The following VPS16 variants were observed in gnomAD, a reference collection of about 807,000 sequenced individuals.
VPS16 encodes VPS16 core subunit of CORVET and HOPS complexes.
VPS16 carries 82 observed loss-of-function variants against 116.0 expected under a neutral mutation model. That is an observed-to-expected ratio of 0.71 (90% confidence interval 0.59 to 0.85). The LOEUF (loss-of-function observed/expected upper bound fraction) is 0.85, where lower values mean the gene tolerates loss of function less well. Among genes scored for constraint, VPS16 ranks in the 40% least tolerant of loss-of-function variants. VPS16 has a pLI of 0.00. For synonymous variants in VPS16, 406 were observed against 420.7 expected (o/e 0.96, Z 0.43); for missense variants, 928 against 1,090.6 (o/e 0.85, Z 2.10).
chr20:2,865,144 C>T lies in VPS16; in HGVS notation c.2005-4C>T. ...CCATCATGCCTCATTATCCGGGTCC[C>T]CAGGCTACAGAGGATCAAATGCGGC... On this transcript the variant is annotated splice_polypyrimidine_tract_variant and splice_region_variant and intron_variant, in intron 20 of 23. Coordinates refer to ENST00000380445, the MANE Select transcript of VPS16 (RefSeq NM_022575.4). The surrounding 1 kb of genome is among the most constrained non-coding windows in gnomAD (Gnocchi z 5.2). The T allele has an allele frequency of 6.2e-7, 1 of 1,614,136 alleles. No homozygotes were observed. The highest frequency in any genetic ancestry group is 8.5e-7 in the Non-Finnish European group (1 of 1,180,002).
chr20:2,861,239 G>A lies in VPS16; in HGVS notation c.768G>A (p.Glu256=), dbSNP rs373884555. 6.8e-6 allele frequency: 11 copies of A among 1,614,102 alleles called. No individual in the cohort carries two copies. In the African/African-American group the frequency reaches 1.5e-4, roughly 22 times the overall value. ...CACCATTTCAGGAGAAGCTATGTGAGTTCAACTGCAACATCCGGGCACCTC... is the reference window on the plus strand; with the variant it reads ...CACCATTTCAGGAGAAGCTATGTGAATTCAACTGCAACATCCGGGCACCTC... The part of the protein sequence containing the change: ...GTASLKEKLC[E]FNCNIRAPPK... Residue 256 remains glutamate, a synonymous_variant, in exon 8 of 24, where the codon GAG becomes GAA. Coordinates refer to ENST00000380445, the MANE Select transcript of VPS16 (RefSeq NM_022575.4).
In VPS16 at chr20:2,860,160, T is replaced by C; in HGVS notation, c.240+9T>C. The C allele has an allele frequency of 1.2e-6, 2 of 1,614,064 alleles. No homozygotes were observed. Among genetic ancestry groups the C allele is most frequent in the Non-Finnish European group, 1.7e-6 (2 of 1,180,016 alleles). On this transcript the variant is annotated intron_variant, in intron 3 of 23. Transcript: ENST00000380445. The surrounding 1 kb of genome is among the most constrained non-coding windows in gnomAD (Gnocchi z 6.1). ...CTCTGGCCAGCCTGCTGGTGAGCACTTCTGATGGTCCCTGGGGCTCAGGGC... is the reference window on the plus strand; with the variant it reads ...CTCTGGCCAGCCTGCTGGTGAGCACCTCTGATGGTCCCTGGGGCTCAGGGC...
chr20:2,855,209 C>A (rs1265762913), intron 1 of VPS16, among the ~76,000 whole-genome samples: 1 of 151,840 alleles, frequency 6.6e-6, no homozygotes, highest in Non-Finnish European at 1.5e-5. Flanking sequence ...CTGCCTGCCT[C>A]GGCCTTCCAA....
chr20:2,866,310 T>C lies in VPS16; in HGVS notation c.2370T>C (p.Leu790=). ...GPEQKVKALL[L]VGDVAQAADV... ...AGCAGAAGGTCAAGGCTTTGCTTCT[T>C]GTTGGGTGCGTCAACTGAGGGCCTG... The change falls in exon 23 of 24, where the codon CTT becomes CTC. Residue 790 remains leucine (L), a synonymous_variant. Transcript: ENST00000380445. 1 of 1,614,152 alleles carries C rather than the reference T, an allele frequency of 6.2e-7. No individual in the cohort carries two copies. Among genetic ancestry groups the C allele is most frequent in the Non-Finnish European group, 8.5e-7 (1 of 1,180,020 alleles).
intron 11 of VPS16, 150 bp downstream of exon 11, chr20:2,862,280 A>G (rs1231461558): frequency 3.8e-6 from 4 of 1,057,818 alleles, no homozygotes; most frequent in Non-Finnish European, 5.4e-6. Flanking sequence ...TGTAAACTGA[A>G]GAGACACTAT....
chr20:2,848,234 A>G (rs2089081400), intron 1 of VPS16, among the ~76,000 whole-genome samples: 1 of 151,890 alleles, frequency 6.6e-6, no homozygotes, highest in Admixed American at 6.6e-5. Flanking sequence ...ACTTCTATTT[A>G]TTTTTTATTT....
intron 1 of VPS16, among the ~76,000 whole-genome samples, chr20:2,849,967 T>A (rs1452086922): frequency 6.6e-6 from 1 of 152,178 alleles, no homozygotes; most frequent in Non-Finnish European, 1.5e-5. Context: ...GACTATTCCT[T>A]CTATACCAAG....
intron 1 of VPS16, among the ~76,000 whole-genome samples, chr20:2,842,617 T>C (rs1321122621): frequency 1.4e-5 from 2 of 139,714 alleles, no homozygotes; most frequent in Non-Finnish European, 3.1e-5. Context: ...TATATAGATA[T>C]ATCTATCTAT....
At chr20:2,866,354 G>A in intron 23 of VPS16, 39 bp downstream of exon 23, 1 of 1,614,122 alleles carries the variant, frequency 6.2e-7, no homozygotes, top group Non-Finnish European at 8.5e-7. Flanking sequence ...GGGTGGCTGA[G>A]CTGTGGGCTG....
chr20:2,861,514 C>T (rs1354864929), intron 8 of VPS16, 101 bp from the exon 9 acceptor site: 1 of 1,420,798 alleles, frequency 7.0e-7, no homozygotes, highest in East Asian at 2.5e-5. Context: ...GTCAGTGATG[C>T]AAGTGTATAC....
In VPS16 at chr20:2,864,149, T is replaced by C. The variant is rs952543887; in HGVS notation, c.1612-30T>C. The C allele has an allele frequency of 2.5e-6, 4 of 1,614,036 alleles. No homozygotes were observed. Among genetic ancestry groups the C allele is most frequent in the Non-Finnish European group, 3.4e-6 (4 of 1,179,890 alleles). Reference sequence around the variant, plus strand: ...GTTCAGGGCCCCCATGCCAGCTCCTTCTCTCTGTGCCTTCCTTCTCACCTC... The same window carrying C: ...GTTCAGGGCCCCCATGCCAGCTCCTCCTCTCTGTGCCTTCCTTCTCACCTC... On this transcript the variant is annotated intron_variant, in intron 16 of 23. Coordinates refer to ENST00000380445, the MANE Select transcript of VPS16 (RefSeq NM_022575.4). The surrounding 1 kb of genome is among the most constrained non-coding windows in gnomAD (Gnocchi z 5.2).
chr20:2,866,032 G>T (rs2089336017), intron 22 of VPS16, 180 bp from the exon 23 acceptor site: 2 of 623,840 alleles, frequency 3.2e-6, no homozygotes, highest in Non-Finnish European at 2.8e-6. Flanking sequence ...GGTGATTTCT[G>T]CCCTAAGAAT....
Position 2,861,815 on chromosome 20 carries a change from G to T in VPS16, c.910G>T (p.Asp304Tyr). Residue 304 changes from aspartate (D) to tyrosine (Y), a missense_variant, in exon 10 of 24, where the codon GAT becomes TAT. Physicochemically the swap from Asp to Tyr is radical, Grantham distance 160 (BLOSUM62 -3). Coordinates refer to ENST00000380445, the MANE Select transcript of VPS16 (RefSeq NM_022575.4). ...DAPESIQFVLDEDSYLVPELD... is the reference protein window; with the variant it reads ...DAPESIQFVLYEDSYLVPELD... ...CTTAACCAAGCTCAGGTTTGTGCTG[G>T]ATGAGGACTCCTACCTGGTGCCTGA... The T allele has an allele frequency of 2.5e-6, 4 of 1,613,950 alleles. No homozygotes were observed. Among genetic ancestry groups the T allele is most frequent in the Non-Finnish European group, 3.4e-6 (4 of 1,179,960 alleles).
rs759624275 is a variant in VPS16, at chr20:2,862,004, G to A, written c.995-50G>A. 2.5e-6 allele frequency: 4 copies of A among 1,609,468 alleles called. No individual in the cohort carries two copies. The Admixed American group carries it at 6.7e-5, about 27-fold the overall frequency. On this transcript the variant is annotated intron_variant, in intron 10 of 23. Coordinates refer to ENST00000380445, the MANE Select transcript of VPS16 (RefSeq NM_022575.4). ...AGCAGGAATAGGGTGTTGAGGCAGG[G>A]CTGAGGGTTTCCCTGCCTTTCTCCC...
intron 1 of VPS16, among the ~76,000 whole-genome samples, chr20:2,858,413 A>AT (rs2089196064): frequency 6.6e-6 from 1 of 151,902 alleles, no homozygotes. Context: ...CTTACTTTGG[A>AT]TTTTCTAAGT....
intron 1 of VPS16, among the ~76,000 whole-genome samples, chr20:2,853,382 C>A (rs1331168546): frequency 6.9e-6 from 1 of 144,592 alleles, no homozygotes; most frequent in Non-Finnish European, 1.5e-5. Context: ...GAGCAAGACT[C>A]TGTCTCAAAA....
chr20:2,853,338 G>A (rs534738471), intron 1 of VPS16, among the ~76,000 whole-genome samples: 4 of 152,124 alleles, frequency 2.6e-5, no homozygotes, highest in South Asian at 2.1e-4. Flanking sequence ...GCAGTGAGCC[G>A]AGATCGTGCC....
At position 2,863,631 on chromosome 20, in the gene VPS16, G is replaced by C. The variant is rs1456273075; in HGVS notation, c.1476+233G>C. 6.6e-6 allele frequency among the ~76,000 whole-genome samples: 1 copy of C among 151,904 alleles called. No homozygotes were observed. Among genetic ancestry groups the C allele is most frequent in the African/African-American group, 2.4e-5 (1 of 41,302 alleles). The stretch of plus-strand genomic sequence containing the variant: ...TACAAAATTAGCCGGGCACGGTGGC[G>C]CATGCCTGTAATCCCAGCTACCCGG... On this transcript the variant is annotated intron_variant, in intron 15 of 23. Transcript: ENST00000380445. The surrounding 1 kb of genome is among the most constrained non-coding windows in gnomAD (Gnocchi z 4.4).
At chr20:2,850,539 T>A (rs1340411152) in intron 1 of VPS16, among the ~76,000 whole-genome samples, 1 of 150,248 alleles carries the variant, frequency 6.7e-6, no homozygotes. Flanking sequence ...GGCAGGAGAA[T>A]CGCTTGAACC....
Sources: gnomAD v4.1 joint callset for allele counts (sites outside exome capture counted in the v4.1 genomes callset) on GRCh38, gnomAD v4.1.1 for gene constraint, Gnocchi (gnomAD v3.1) non-coding constraint, MANE v1.5 for transcripts, NCBI Gene and HGNC (gene_info 2026-07-23, HGNC 2026-07-21) for gene names.